The following CERT1 variants were observed in gnomAD, a reference collection of about 807,000 sequenced individuals.
The protein encoded by CERT1 is ceramide transfer protein.
In CERT1, 31 loss-of-function variants were observed where a neutral mutation model predicts 87.9. The ratio of observed to expected loss-of-function variants is 0.35; its 90% CI spans 0.27 to 0.48. The LOEUF is 0.48. Ranked by LOEUF, CERT1 falls within the 20% of genes least tolerant of loss-of-function variation. The probability of loss-of-function intolerance (pLI) is 0.99; values close to 1 mark genes in which losing one functional copy is unlikely to be tolerated. For missense variants in CERT1, 487 were observed against 758.0 expected (o/e 0.64, Z 4.20); for synonymous variants, 289 against 250.9 (o/e 1.15, Z -1.44).
At chr5:75,484,595 A>G (rs1766418787) in intron 2 of CERT1, among the ~76,000 whole-genome samples, 1 of 149,234 alleles carries the variant, frequency 6.7e-6, no homozygotes, top group Non-Finnish European at 1.5e-5. Flanking sequence ...TAGCAGGCTT[A>G]GCTATTCTTA....
At chr5:75,423,077 C>A (rs1305501068) in intron 5 of CERT1, among the ~76,000 whole-genome samples, 1 of 152,196 alleles carries the variant, frequency 6.6e-6, no homozygotes, top group Admixed American at 6.5e-5. Flanking sequence ...ACTAATACAT[C>A]AGTCTTCAAT....
chr5:75,486,213 G>A (rs780937111), intron 2 of CERT1, among the ~76,000 whole-genome samples: 2 of 151,846 alleles, frequency 1.3e-5, no homozygotes, highest in Non-Finnish European at 1.5e-5. Context: ...GCAAATCTAC[G>A]TGGTACATTA....
downstream of CERT1, chr5:75,374,369 T>G: frequency 1.9e-6 from 1 of 539,032 alleles, no homozygotes; most frequent in Non-Finnish European, 3.3e-6. Flanking sequence ...AAATTTGAAC[T>G]TATTCCATCA....
intron 11 of CERT1, among the ~76,000 whole-genome samples, chr5:75,397,922 G>A (rs904830734): frequency 6.6e-6 from 1 of 152,166 alleles, no homozygotes; most frequent in Non-Finnish European, 1.5e-5. Context: ...GGGAGGCTGA[G>A]GCAGGAGAAT....
intron 3 of CERT1, among the ~76,000 whole-genome samples, chr5:75,448,822 T>C: frequency 1.3e-5 from 2 of 152,314 alleles, no homozygotes; most frequent in South Asian, 4.1e-4. Flanking sequence ...CTTTAATATC[T>C]TCTGTAAGAA....
At chr5:75,394,478 A>C (rs1216975244) in intron 11 of CERT1, among the ~76,000 whole-genome samples, 1 of 152,084 alleles carries the variant, frequency 6.6e-6, no homozygotes, top group Non-Finnish European at 1.5e-5. Flanking sequence ...TCTAGCCTGG[A>C]AGACAGAATG....
intron 2 of CERT1, among the ~76,000 whole-genome samples, chr5:75,463,049 A>C (rs1007409785): frequency 6.6e-6 from 1 of 151,854 alleles, no homozygotes; most frequent in African/African-American, 2.4e-5. Context: ...GAAAAGCACA[A>C]AATGAAAGAA....
intron 5 of CERT1, among the ~76,000 whole-genome samples, chr5:75,424,372 G>C (rs1268674588): frequency 1.3e-5 from 2 of 152,028 alleles, no homozygotes; most frequent in East Asian, 1.9e-4. Flanking sequence ...ATGAGGTCAG[G>C]AGATTAAGAC....
intron 1 of CERT1, among the ~76,000 whole-genome samples, chr5:75,507,408 C>G (rs1240676577): frequency 6.6e-6 from 1 of 152,120 alleles, no homozygotes; most frequent in Non-Finnish European, 1.5e-5. Context: ...CATCCCTAGC[C>G]AGTTCTTAAT....
At chr5:75,479,137 T>A (rs569450489) in intron 2 of CERT1, among the ~76,000 whole-genome samples, 1 of 152,156 alleles carries the variant, frequency 6.6e-6, no homozygotes, top group East Asian at 1.9e-4. Flanking sequence ...GAGTTTTTAA[T>A]AATAATATGC....
chr5:75,447,818 C>T (rs1460965011), intron 3 of CERT1, among the ~76,000 whole-genome samples: 4 of 151,990 alleles, frequency 2.6e-5, no homozygotes, highest in Non-Finnish European at 4.4e-5. Flanking sequence ...TTGTGTTACC[C>T]AGGCTAACGT....
At chr5:75,418,823 G>T (rs1038050353) in intron 6 of CERT1, among the ~76,000 whole-genome samples, 1 of 152,186 alleles carries the variant, frequency 6.6e-6, no homozygotes, top group Non-Finnish European at 1.5e-5. Flanking sequence ...ATTCAGGAAT[G>T]GGGGAGAGAG....
chr5:75,411,175 A>G, intron 7 of CERT1, 72 bp from the exon 8 acceptor site: 1 of 772,610 alleles, frequency 1.3e-6, no homozygotes, highest in Non-Finnish European at 2.1e-6. Context: ...TTTAGGTGGA[A>G]TTCCTCTACA....
intron 2 of CERT1, among the ~76,000 whole-genome samples, chr5:75,500,965 C>T (rs907641964): frequency 2.7e-5 from 4 of 150,926 alleles, no homozygotes; most frequent in African/African-American, 9.7e-5. Flanking sequence ...CCTTCCCTTG[C>T]TTTTATATCT....
intron 16 of CERT1, among the ~76,000 whole-genome samples, chr5:75,380,783 A>C (rs894374505): frequency 6.6e-6 from 1 of 151,056 alleles, no homozygotes; most frequent in African/African-American, 2.4e-5. Flanking sequence ...ATCTCAAAAA[A>C]AAAAAAAAAA....
At chr5:75,447,352 T>C (rs934056673) in intron 3 of CERT1, among the ~76,000 whole-genome samples, 3 of 152,148 alleles carry the variant, frequency 2.0e-5, no homozygotes, top group African/African-American at 7.2e-5. Context: ...CATAATGTTT[T>C]TGAAGGAAAA....
intron 7 of CERT1, among the ~76,000 whole-genome samples, chr5:75,414,036 T>C (rs762086570): frequency 2.0e-5 from 3 of 152,112 alleles, no homozygotes; most frequent in Non-Finnish European, 4.4e-5. Context: ...CAATAAAAAG[T>C]TATACAATAA....
chr5:75,447,624 C>T (rs111434235), intron 3 of CERT1, among the ~76,000 whole-genome samples: 1 of 151,860 alleles, frequency 6.6e-6, no homozygotes, highest in Non-Finnish European at 1.5e-5. Flanking sequence ...GTGCCCACCA[C>T]CACGCCCAGC....
intron 3 of CERT1, among the ~76,000 whole-genome samples, chr5:75,430,138 T>C (rs1156764412): frequency 1.3e-5 from 2 of 152,216 alleles, no homozygotes; most frequent in Non-Finnish European, 2.9e-5. Flanking sequence ...TTTATCCATA[T>C]GAAAACAAGT....
Sources: allele counts gnomAD v4.1 joint callset (sites outside exome capture counted in the v4.1 genomes callset), GRCh38; gene constraint gnomAD v4.1.1; transcripts MANE v1.5; gene names NCBI Gene and HGNC (gene_info 2026-07-23, HGNC 2026-07-21).